ZMYM2: variants seen among roughly 807,000 people sequenced by gnomAD.
ZMYM2 encodes the protein zinc finger MYM-type protein 2.
ZMYM2 carries 56 observed loss-of-function variants against 162.8 expected under a neutral mutation model. That is an observed-to-expected ratio of 0.34 (90% CI 0.28 to 0.43). The LOEUF (loss-of-function observed/expected upper bound fraction) is 0.43, where lower values mean the gene tolerates loss of function less well. Among genes scored for constraint, ZMYM2 ranks in the 20% least tolerant of loss-of-function variants. The pLI, the probability that ZMYM2 is intolerant of heterozygous loss-of-function variation, is 1.00. For synonymous variants in ZMYM2, 510 were observed against 541.6 expected, an observed-to-expected ratio of 0.94 and a Z score of 0.81; for missense variants, 1,275 against 1,621.8, an observed-to-expected ratio of 0.79 and a Z score of 3.67.
chr13:19,959,512 C>T (rs1428650805), intron 1 of ZMYM2, among the ~76,000 whole-genome samples: 2 of 152,158 alleles, frequency 1.3e-5, no homozygotes, highest in African/African-American at 2.4e-5. Flanking sequence ...GGGCAAACCT[C>T]AGGCCCAGGG....
chr13:19,941,330 A>C, the ZMYM2 span, among the ~76,000 whole-genome samples: 1 of 152,004 alleles, frequency 6.6e-6, no homozygotes, highest in African/African-American at 2.4e-5. Flanking sequence ...AACAAAAAAA[A>C]AAAAGAAAGC....
At chr13:19,931,091 A>G in the ZMYM2 span, among the ~76,000 whole-genome samples, 4 of 149,560 alleles carry the variant, frequency 2.7e-5, no homozygotes, top group African/African-American at 9.8e-5. Context: ...GTGAGCCGAG[A>G]TGGCGCCACA....
intron 12 of ZMYM2, among the ~76,000 whole-genome samples, chr13:20,039,875 G>A (rs796714799): frequency 6.6e-6 from 1 of 152,174 alleles, no homozygotes; most frequent in Admixed American, 6.5e-5. Flanking sequence ...CTGTTTATGT[G>A]ATGAATCACA....
the ZMYM2 span, among the ~76,000 whole-genome samples, chr13:19,889,780 GT>G: frequency 3.0e-4 from 46 of 151,548 alleles, no homozygotes; most frequent in African/African-American, 1.1e-3. Context: ...AAGGATTTTT[GT>G]TTTTTCCATC....
chr13:19,913,934 TTGCA>T, the ZMYM2 span, among the ~76,000 whole-genome samples: 48 of 152,222 alleles, frequency 3.2e-4, no homozygotes, highest in African/African-American at 9.6e-4. Flanking sequence ...AAGTGAACAG[TTGCA>T]GTACTGCAGC....
chr13:20,045,684 C>T (rs1422786868), intron 12 of ZMYM2, among the ~76,000 whole-genome samples: 3 of 152,060 alleles, frequency 2.0e-5, no homozygotes, highest in Non-Finnish European at 4.4e-5. Context: ...TTAGTGAGTA[C>T]AAATTTGGAA....
chr13:20,061,368 T>TCC, intron 17 of ZMYM2, 144 bp downstream of exon 17: 1 of 644,212 alleles, frequency 1.6e-6, no homozygotes, highest in Non-Finnish European at 2.2e-6. Flanking sequence ...GTTTTTTATA[T>TCC]TAAGAGATCT....
intron 21 of ZMYM2, among the ~76,000 whole-genome samples, chr13:20,075,486 A>G (rs888899421): frequency 6.6e-6 from 1 of 152,058 alleles, no homozygotes; most frequent in African/African-American, 2.4e-5. Context: ...CTGATTTTGT[A>G]TAAGGAACGG....
At chr13:19,988,677 G>T (rs949716665) in intron 2 of ZMYM2, among the ~76,000 whole-genome samples, 1 of 152,190 alleles carries the variant, frequency 6.6e-6, no homozygotes, top group African/African-American at 2.4e-5. Flanking sequence ...CAGCTACTCA[G>T]GAGGCTGAGG....
At chr13:19,926,329 C>A in the ZMYM2 span, among the ~76,000 whole-genome samples, 2 of 144,600 alleles carry the variant, frequency 1.4e-5, no homozygotes, top group African/African-American at 5.1e-5. Context: ...TTGTTTTTTG[C>A]GGGGGTGAGT....
Position 19,993,924 on chromosome 13 carries a change from G to A in ZMYM2, c.847+5G>A. Reference sequence around the variant, plus strand: ...CTGCAACTCATCATAATCCTGGTAAGCAGTAAGAGATACTCTACTTCATGT... The same window carrying A: ...CTGCAACTCATCATAATCCTGGTAAACAGTAAGAGATACTCTACTTCATGT... On this transcript the variant is annotated splice_donor_5th_base_variant and intron_variant, in intron 3 of 24. Coordinates refer to ENST00000610343, the MANE Select transcript of ZMYM2 (RefSeq NM_197968.4). 6.2e-7 allele frequency: 1 copy of A among 1,603,192 alleles called. No homozygotes were observed. The highest frequency in any genetic ancestry group is 8.5e-7 in the Non-Finnish European group (1 of 1,176,292).
chr13:19,963,669 T>C (rs1035933784), intron 2 of ZMYM2, among the ~76,000 whole-genome samples: 1 of 152,190 alleles, frequency 6.6e-6, no homozygotes, highest in Admixed American at 6.5e-5. Flanking sequence ...GATGAGTTGG[T>C]CATTTTAAAA....
Position 19,973,332 on chromosome 13 carries a change from A to G in ZMYM2, c.-11+13306A>G, listed in dbSNP as rs183092820. On this transcript the variant is annotated intron_variant, in intron 2 of 24. Transcript: ENST00000610343. Reference sequence around the variant, plus strand: ...ATTCTTGTAAGAAATAGGAATAACTATAACAGGAAGTATGCAAGACTTTAA... The same window carrying G: ...ATTCTTGTAAGAAATAGGAATAACTGTAACAGGAAGTATGCAAGACTTTAA... Among the ~76,000 whole-genome samples the G allele has an allele frequency of 2.6e-5, 4 of 152,280 alleles. 1 individual carries two copies. Among genetic ancestry groups the G allele is most frequent in the Admixed American group, 2.0e-4 (3 of 15,290 alleles).
chr13:20,002,717 TCTG>T (rs1950487399), intron 3 of ZMYM2, 130 bp from the exon 4 acceptor site: 2 of 1,126,230 alleles, frequency 1.8e-6, no homozygotes, highest in African/African-American at 1.6e-5. Flanking sequence ...TATATACCTC[TCTG>T]CTATGTTGCT....
the ZMYM2 span, among the ~76,000 whole-genome samples, chr13:19,867,282 G>A: frequency 1.3e-5 from 2 of 151,984 alleles, no homozygotes; most frequent in East Asian, 1.9e-4. Context: ...CTTGGGAGGC[G>A]GAGGTTGCCG....
chr13:19,899,836 A>AAG, the ZMYM2 span, among the ~76,000 whole-genome samples: 152 of 120,902 alleles, frequency 1.3e-3, 3 homozygotes, highest in African/African-American at 3.5e-3. Flanking sequence ...AAAAAAAAAA[A>AAG]AAGGAAAACA....
chr13:20,003,859 G>A (rs1950559007), intron 4 of ZMYM2, among the ~76,000 whole-genome samples: 2 of 152,168 alleles, frequency 1.3e-5, no homozygotes, highest in Admixed American at 1.3e-4. Flanking sequence ...ATATTGTCCA[G>A]ACTGGTCTTC....
intron 3 of ZMYM2, among the ~76,000 whole-genome samples, chr13:20,000,572 A>G (rs528106624): frequency 8.7e-4 from 132 of 152,352 alleles, no homozygotes; most frequent in Non-Finnish European, 1.2e-3. Context: ...TATCAGTGGA[A>G]CAACAAAGCC....
chr13:20,085,526 C>T lies in ZMYM2; in HGVS notation c.3942-296C>T, dbSNP rs564788048. On this transcript the variant is annotated intron_variant, in intron 24 of 24. Transcript: ENST00000610343. The stretch of plus-strand genomic sequence containing the variant: ...GGATGCACAGTTTAAATTGTTGCAT[C>T]TTGAAATCATAATTGGCAGTGTTTC... 3.0e-4 allele frequency among the ~76,000 whole-genome samples: 46 copies of T among 152,274 alleles called. 2 individuals carry two copies. In the South Asian group the frequency reaches 9.5e-3, roughly 32 times the overall value.
Sources: gnomAD v4.1 joint callset for allele counts (sites outside exome capture counted in the v4.1 genomes callset) on GRCh38, gnomAD v4.1.1 for gene constraint, MANE v1.5 for transcripts, NCBI Gene and HGNC (gene_info 2026-07-23, HGNC 2026-07-21) for gene names.